SORCS2: variants seen among roughly 807,000 people sequenced by gnomAD.
SORCS2 encodes the protein sortilin related VPS10 domain containing receptor 2, also known as VPS10 domain-containing receptor SorCS2.
Under a neutral mutation model 141.6 loss-of-function variants are expected in SORCS2, and 100 were observed. The observed-to-expected ratio is 0.71, with a 90% CI of 0.60 to 0.83. SORCS2 has a LOEUF of 0.83. SORCS2 is among the 40% of genes least tolerant of loss of function. SORCS2 has a pLI of 0.00. For synonymous variants in SORCS2, 789 were observed against 676.9 expected (o/e 1.17, Z -2.57); for missense variants, 1,646 against 1,560.2 (o/e 1.05, Z -0.93).
At chr4:7,676,917 TCTCTCCCTCTCTCC>T (rs1560475938) in intron 9 of SORCS2, among the ~76,000 whole-genome samples, 2 of 39,088 alleles carry the variant, frequency 5.1e-5, no homozygotes, top group Non-Finnish European at 1.1e-4. Flanking sequence ...CCTCTCTCCC[TCTCTCCCTCTCTCC>T]CTCTCTCCCT....
chr4:7,439,902 T>TG (rs973117093), intron 2 of SORCS2, among the ~76,000 whole-genome samples: 2 of 152,154 alleles, frequency 1.3e-5, no homozygotes, highest in Non-Finnish European at 2.9e-5. Flanking sequence ...TGTGCACCTG[T>TG]GGGGGCAGGT....
At chr4:7,354,569 C>T (rs1721136470) in intron 1 of SORCS2, among the ~76,000 whole-genome samples, 2 of 152,236 alleles carry the variant, frequency 1.3e-5, no homozygotes, top group African/African-American at 4.8e-5. Context: ...GAGCTCGTGT[C>T]CTCTTTTGGG....
At chr4:7,314,800 G>GTTTTTTTTTTTTTTTTTTTT in intron 1 of SORCS2, among the ~76,000 whole-genome samples, 1 of 109,832 alleles carries the variant, frequency 9.1e-6, no homozygotes, top group Non-Finnish European at 1.9e-5. Flanking sequence ...CCACTGTTCT[G>GTTTTTTTTTTTTTTTTTTTT]TTTTTTTTTT....
intron 20 of SORCS2, among the ~76,000 whole-genome samples, chr4:7,725,572 A>T (rs34786658): frequency 2.0e-5 from 3 of 152,016 alleles, no homozygotes; most frequent in East Asian, 3.9e-4. Flanking sequence ...GGTAGAAGTC[A>T]CAGAGGCAGG....
intron 2 of SORCS2, among the ~76,000 whole-genome samples, chr4:7,481,569 A>G (rs1179683657): frequency 6.6e-6 from 1 of 152,124 alleles, no homozygotes; most frequent in Non-Finnish European, 1.5e-5. Flanking sequence ...TCCTGAATGT[A>G]ACGTTGACCA....
chr4:7,714,945 TCCTCCAGGCAGC>T (rs1356698149), intron 16 of SORCS2, among the ~76,000 whole-genome samples: 1 of 152,150 alleles, frequency 6.6e-6, no homozygotes, highest in Non-Finnish European at 1.5e-5. Context: ...TTTGCTCACC[TCCTCCAGGCAGC>T]CCTCCAGGTT....
chr4:7,664,404 C>G lies in SORCS2; in HGVS notation c.1004C>G (p.Thr335Arg), dbSNP rs370112934. ...AIHNCSEKML[T>R]APFAGPIDHG... The stretch of plus-strand genomic sequence containing the variant: ...CACAATTGCTCCGAGAAGATGCTGA[C>G]AGCCCCATTCGCAGGCCCCATTGAC... Residue 335 changes from threonine to arginine, a missense_variant, in exon 7 of 27, where the codon ACA becomes AGA. By Grantham distance (71) the Thr-to-Arg change is moderately conservative. Coordinates refer to ENST00000507866, the MANE Select transcript of SORCS2 (RefSeq NM_020777.3). This position sits in a 1 kb window ranked among gnomAD's most constrained non-coding sequence, Gnocchi z 4.7. 4.3e-6 allele frequency: 7 copies of G among 1,613,944 alleles called. No individual in the cohort carries two copies. The highest frequency in any genetic ancestry group is 5.9e-6 in the Non-Finnish European group (7 of 1,179,866).
chr4:7,232,406 C>T (rs1011334333), intron 1 of SORCS2, among the ~76,000 whole-genome samples: 13 of 152,168 alleles, frequency 8.5e-5, no homozygotes, highest in African/African-American at 2.2e-4. Flanking sequence ...GGCGCCTGGA[C>T]GCCGGAGAGC....
chr4:7,411,406 CT>C (rs1486177557), intron 2 of SORCS2, among the ~76,000 whole-genome samples: 1 of 152,074 alleles, frequency 6.6e-6, no homozygotes, highest in Non-Finnish European at 1.5e-5. Context: ...CTTGCTCCCC[CT>C]TTCCCATGTA....
chr4:7,680,018 T>C (rs2108962142), intron 9 of SORCS2, among the ~76,000 whole-genome samples: 1 of 152,330 alleles, frequency 6.6e-6, no homozygotes, highest in East Asian at 1.9e-4. Flanking sequence ...GAAAGGCATC[T>C]GCACCAAGCA....
At chr4:7,434,310 C>CT (rs1727121711) in intron 2 of SORCS2, 1 of 1,611,610 alleles carries the variant, frequency 6.2e-7, no homozygotes. Context: ...GTCGGGAGAC[C>CT]TGCCGTACAC....
intron 2 of SORCS2, among the ~76,000 whole-genome samples, chr4:7,515,218 C>G (rs1732896924): frequency 6.6e-6 from 1 of 152,214 alleles, no homozygotes; most frequent in Non-Finnish European, 1.5e-5. Context: ...CCAGTGAGTA[C>G]AGTGGCCAGC....
intron 1 of SORCS2, among the ~76,000 whole-genome samples, chr4:7,306,849 C>T (rs10937803): frequency 0.69 from 104,244 of 152,066 alleles, 39,801 homozygotes; most frequent in Non-Finnish European, 0.86. Flanking sequence ...GTCAGTGGGA[C>T]GGCAGGCAGG....
intron 1 of SORCS2, among the ~76,000 whole-genome samples, chr4:7,257,136 C>T (rs992488356): frequency 8.1e-5 from 12 of 148,238 alleles, no homozygotes; most frequent in African/African-American, 1.7e-4. Flanking sequence ...GAATCTTGGC[C>T]GGGCTCCCTC....
chr4:7,311,806 T>C (rs1259287881), intron 1 of SORCS2, among the ~76,000 whole-genome samples: 1 of 152,234 alleles, frequency 6.6e-6, no homozygotes, highest in Non-Finnish European at 1.5e-5. Context: ...CTTTATCATG[T>C]ATGTGATTTG....
intron 22 of SORCS2, among the ~76,000 whole-genome samples, chr4:7,728,691 G>C (rs1382727772): frequency 6.6e-6 from 1 of 152,204 alleles, no homozygotes; most frequent in Admixed American, 6.5e-5. Context: ...ACAGGGGAGG[G>C]ACCACAGGCA....
intron 5 of SORCS2, among the ~76,000 whole-genome samples, chr4:7,656,045 T>C (rs376699996): frequency 2.0e-4 from 30 of 152,348 alleles, no homozygotes; most frequent in African/African-American, 7.0e-4. Flanking sequence ...TGGAGCGTGG[T>C]GACAGCGGTG....
intron 3 of SORCS2, among the ~76,000 whole-genome samples, chr4:7,623,646 C>T (rs981427782): frequency 4.6e-4 from 70 of 152,184 alleles, no homozygotes; most frequent in African/African-American, 1.6e-3. Flanking sequence ...ACGGCGTCCT[C>T]GTTCCCTTCC....
At chr4:7,454,196 T>A (rs1453479271) in intron 2 of SORCS2, among the ~76,000 whole-genome samples, 71 of 55,068 alleles carry the variant, frequency 1.3e-3, no homozygotes, top group Admixed American at 7.2e-3. Flanking sequence ...TGGGGTCAGG[T>A]GCTGTGTGTT....
Sources: gnomAD v4.1 joint callset for allele counts (sites outside exome capture counted in the v4.1 genomes callset) on GRCh38, gnomAD v4.1.1 for gene constraint, Gnocchi (gnomAD v3.1) non-coding constraint, MANE v1.5 for transcripts, NCBI Gene and HGNC (gene_info 2026-07-23, HGNC 2026-07-21) for gene names.